The following PPARG variants were observed in gnomAD, a reference collection of about 807,000 sequenced individuals.
The protein encoded by PPARG is peroxisome proliferator activated receptor gamma.
PPARG carries 17 observed loss-of-function variants against 39.2 expected under a neutral mutation model. That is an observed-to-expected ratio of 0.43 (90% CI 0.30 to 0.65). The LOEUF (loss-of-function observed/expected upper bound fraction) is 0.65, where lower values mean the gene tolerates loss of function less well. Among genes scored for constraint, PPARG ranks in the 30% least tolerant of loss-of-function variants. The pLI is 0.13. For synonymous variants in PPARG, 223 were observed against 215.7 expected (o/e 1.03, Z -0.30); for missense variants, 406 against 585.9 (o/e 0.69, Z 3.17).
chr3:12,402,332 C>T (rs1011021239), intron 5 of PPARG, among the ~76,000 whole-genome samples: 4 of 152,148 alleles, frequency 2.6e-5, no homozygotes, highest in Admixed American at 1.3e-4. Flanking sequence ...TCTTTTAATA[C>T]GCCTTCTTAC....
At chr3:12,336,811 T>C (rs890655264) in intron 2 of PPARG, among the ~76,000 whole-genome samples, 4 of 152,188 alleles carry the variant, frequency 2.6e-5, no homozygotes, top group Non-Finnish European at 4.4e-5. Context: ...AAAGACATTA[T>C]GCAAAGAGTG....
chr3:12,382,475 C>G (rs2125180632), intron 4 of PPARG, among the ~76,000 whole-genome samples: 1 of 152,142 alleles, frequency 6.6e-6, no homozygotes, highest in East Asian at 1.9e-4. Context: ...AAATAAATAC[C>G]TGCTTATTGG....
intron 6 of PPARG, among the ~76,000 whole-genome samples, chr3:12,409,419 A>G (rs73027225): frequency 0.012 from 1,048 of 89,566 alleles, 5 homozygotes; most frequent in Non-Finnish European, 0.022. Flanking sequence ...ATGGGAAAGG[A>G]AAAAAAAAAA....
chr3:12,335,293 A>G (rs1424804658), intron 2 of PPARG, among the ~76,000 whole-genome samples: 2 of 152,224 alleles, frequency 1.3e-5, no homozygotes, highest in Admixed American at 1.3e-4. Flanking sequence ...TATGGTTAAG[A>G]CTTCCAAAGT....
chr3:12,329,939 T>G (rs752979192), intron 2 of PPARG, among the ~76,000 whole-genome samples: 13 of 152,232 alleles, frequency 8.5e-5, no homozygotes, highest in Non-Finnish European at 4.4e-5. Flanking sequence ...GTCTTCAAGG[T>G]GCATCCATGT....
intron 6 of PPARG, among the ~76,000 whole-genome samples, chr3:12,409,516 A>G (rs2050799432): frequency 6.6e-6 from 1 of 152,122 alleles, no homozygotes; most frequent in Admixed American, 6.5e-5. Flanking sequence ...TCTCAGGGGT[A>G]TTATGTTATC....
intron 2 of PPARG, among the ~76,000 whole-genome samples, chr3:12,334,554 T>C (rs2047956153): frequency 6.6e-6 from 1 of 152,140 alleles, no homozygotes; most frequent in South Asian, 2.1e-4. Context: ...AATTTTTAAG[T>C]TTAGAGTTTA....
intron 2 of PPARG, among the ~76,000 whole-genome samples, chr3:12,377,830 A>G (rs1349678611): frequency 6.6e-6 from 1 of 152,242 alleles, no homozygotes; most frequent in Non-Finnish European, 1.5e-5. Flanking sequence ...AGAATAGGGG[A>G]ATCTGTACAT....
At chr3:12,379,559 A>C in intron 2 of PPARG, 145 bp from the exon 3 acceptor site, 1 of 719,834 alleles carries the variant, frequency 1.4e-6, no homozygotes, top group Non-Finnish European at 2.4e-6. Flanking sequence ...AGCACTAAGA[A>C]GGTGGTTATG....
intron 2 of PPARG, among the ~76,000 whole-genome samples, chr3:12,345,327 T>TC (rs2048295176): frequency 1.3e-5 from 2 of 152,220 alleles, no homozygotes; most frequent in South Asian, 4.1e-4. Context: ...ATTGAGTACT[T>TC]ACTTTGTAGA....
chr3:12,365,141 G>C (rs1430757658), intron 2 of PPARG, among the ~76,000 whole-genome samples: 1 of 152,190 alleles, frequency 6.6e-6, no homozygotes, highest in Non-Finnish European at 1.5e-5. Context: ...GGTCCTATGA[G>C]AATCTAATGC....
intron 2 of PPARG, among the ~76,000 whole-genome samples, chr3:12,373,317 A>G (rs1294006555): frequency 2.0e-5 from 3 of 152,078 alleles, no homozygotes; most frequent in African/African-American, 7.2e-5. Context: ...GAAGGGGAAA[A>G]GTGTGTTTGG....
chr3:12,430,404 A>G (rs2051618544), intron 7 of PPARG, among the ~76,000 whole-genome samples: 1 of 152,244 alleles, frequency 6.6e-6, no homozygotes, highest in South Asian at 2.1e-4. Context: ...GAAAGTCAGA[A>G]CTTACAATAC....
At chr3:12,297,858 C>A (rs2046826451) in intron 1 of PPARG, 1 of 151,836 alleles carries the variant, frequency 6.6e-6, no homozygotes, top group African/African-American at 2.4e-5. Flanking sequence ...AATTGAATGA[C>A]CTCATGATAG....
chr3:12,381,254 C>A, intron 3 of PPARG, 68 bp from the exon 4 acceptor site: 2 of 1,469,206 alleles, frequency 1.4e-6, no homozygotes, highest in South Asian at 1.2e-5. Context: ...ACTATGGTGG[C>A]TTGCCCTGTT....
At chr3:12,346,778 G>C (rs1002413770) in intron 2 of PPARG, among the ~76,000 whole-genome samples, 1 of 151,702 alleles carries the variant, frequency 6.6e-6, no homozygotes, top group African/African-American at 2.4e-5. Context: ...GACACTACAG[G>C]TACATGCCAC....
At chr3:12,372,150 A>G (rs1388831648) in intron 2 of PPARG, 1 of 718,348 alleles carries the variant, frequency 1.4e-6, no homozygotes, top group Non-Finnish European at 2.6e-6. Flanking sequence ...CATTTCTCCA[A>G]TAAAGCTTTC....
chr3:12,430,544 C>T (rs1237445431), intron 7 of PPARG, among the ~76,000 whole-genome samples: 2 of 152,170 alleles, frequency 1.3e-5, no homozygotes, highest in African/African-American at 4.8e-5. Context: ...TTAATTTCTC[C>T]CTCTGTAAAG....
At chr3:12,376,281 G>A (rs991179785) in intron 2 of PPARG, among the ~76,000 whole-genome samples, 2 of 152,056 alleles carry the variant, frequency 1.3e-5, no homozygotes, top group African/African-American at 2.4e-5. Context: ...GATGACAGCC[G>A]AAATCTTCAA....
Sources: allele counts gnomAD v4.1 joint callset (sites outside exome capture counted in the v4.1 genomes callset), GRCh38; gene constraint gnomAD v4.1.1; transcripts MANE v1.5; gene names NCBI Gene and HGNC (gene_info 2026-07-23, HGNC 2026-07-21).